The following RBBP4 variants were observed in gnomAD, a reference collection of about 807,000 sequenced individuals.
The protein encoded by RBBP4 is RB binding protein 4, chromatin remodeling factor, also known as histone-binding protein RBBP4.
RBBP4 carries 3 observed loss-of-function variants against 57.2 expected under a neutral mutation model. The ratio of observed to expected loss-of-function variants is 0.05; its 90% CI spans 0.02 to 0.14. RBBP4 has a LOEUF of 0.14. Ranked by LOEUF, RBBP4 falls within the 10% of genes least tolerant of loss-of-function variation. RBBP4 has a pLI of 1.00. For synonymous variants in RBBP4, 151 were observed against 171.5 expected (o/e 0.88, Z 0.93); for missense variants, 107 against 520.6 (o/e 0.21, Z 7.73).
chr1:32,661,693 C>T (rs1570845622), intron 3 of RBBP4, among the ~76,000 whole-genome samples: 1 of 152,018 alleles, frequency 6.6e-6, no homozygotes, highest in Non-Finnish European at 1.5e-5. Flanking sequence ...CTTTTCTCTG[C>T]AGCCTCACCA....
At chr1:32,675,043 T>A (rs1248008821) in intron 11 of RBBP4, among the ~76,000 whole-genome samples, 2 of 150,460 alleles carry the variant, frequency 1.3e-5, no homozygotes, top group East Asian at 4.0e-4. Context: ...GGCATTTTTA[T>A]TTTTGAGACG....
Position 32,679,967 on chromosome 1 carries a change from A to ATAT in RBBP4, c.*266_*268dup. Reference sequence around the variant, plus strand: ...GTCTAAAGTAGCTACAGAAAGGGGAATATTATGTGTGATTATTTTTCTTCT... The same window carrying ATAT: ...GTCTAAAGTAGCTACAGAAAGGGGAATATTATTATGTGTGATTATTTTTCTTCT... On this transcript the variant is annotated 3_prime_UTR_variant, in exon 12 of 12. Transcript: ENST00000373493. 1 of 1,236,436 alleles carries ATAT rather than the reference A, an allele frequency of 8.1e-7. No individual in the cohort carries two copies. The highest frequency in any genetic ancestry group is 1.0e-6 in the Non-Finnish European group (1 of 989,610). The allele number at this position is 1,236,436 out of a possible 1,614,324, so 76.6% of individuals were successfully genotyped here. A position where few individuals can be genotyped will look rare whatever the true frequency, so the allele number is the denominator to read the frequency against.
At chr1:32,660,686 T>C (rs960510357) in intron 3 of RBBP4, among the ~76,000 whole-genome samples, 1 of 152,046 alleles carries the variant, frequency 6.6e-6, no homozygotes, top group Non-Finnish European at 1.5e-5. Flanking sequence ...CATTCAATGA[T>C]TTCATAAAGT....
At chr1:32,661,200 C>T (rs759226052) in intron 3 of RBBP4, among the ~76,000 whole-genome samples, 3 of 152,144 alleles carry the variant, frequency 2.0e-5, no homozygotes, top group Non-Finnish European at 2.9e-5. Context: ...CTACAGTGAA[C>T]ATACAAGTGC....
Position 32,681,733 on chromosome 1 carries a change from G to T in RBBP4, c.*2028G>T. On this transcript the variant is annotated 3_prime_UTR_variant, in exon 12 of 12. Coordinates refer to ENST00000373493, the MANE Select transcript of RBBP4 (RefSeq NM_005610.3). ...ATTTGCAACTTCCACAGGATGAATT[G>T]CTTGCCAAGTTTCTGGCACTCTTGT... 6.4e-7 allele frequency: 1 copy of T among 1,554,570 alleles called. No individual in the cohort carries two copies. Among genetic ancestry groups the T allele is most frequent in the South Asian group, 1.1e-5 (1 of 88,618 alleles).
chr1:32,659,009 TTA>T (rs1280787025), intron 3 of RBBP4, among the ~76,000 whole-genome samples: 9 of 147,156 alleles, frequency 6.1e-5, no homozygotes, highest in Non-Finnish European at 1.3e-4. Context: ...TAAAATATAG[TTA>T]TATATAATTT....
chr1:32,656,971 A>G (rs1648171122), intron 2 of RBBP4, among the ~76,000 whole-genome samples: 1 of 152,148 alleles, frequency 6.6e-6, no homozygotes, highest in Non-Finnish European at 1.5e-5. Flanking sequence ...CTCCAGAGTA[A>G]TTAAGTAGAA....
Position 32,669,264 on chromosome 1 carries a change from A to C in RBBP4, c.795A>C (p.Pro265=), listed in dbSNP as rs11551266. ...WDTRSNNTSK[P]SHSVDAHTAE... Reference sequence around the variant, plus strand: ...CTCGTTCAAACAATACTTCCAAACCAAGCCACTCAGTTGATGCTCACACTG... The same window carrying C: ...CTCGTTCAAACAATACTTCCAAACCCAGCCACTCAGTTGATGCTCACACTG... The change falls in exon 7 of 12, where the codon CCA becomes CCC. Residue 265 remains proline, a synonymous_variant. Transcript: ENST00000373493. The surrounding 1 kb of genome is among the most constrained non-coding windows in gnomAD (Gnocchi z 4.9). 22,736 of 1,612,830 alleles carry C rather than the reference A, an allele frequency of 0.014. 2,610 individuals are homozygous for C. In the African/African-American group the frequency reaches 0.26, roughly 18 times the overall value.
chr1:32,658,924 AAAT>A (rs1196032557), intron 3 of RBBP4, among the ~76,000 whole-genome samples: 9 of 90,998 alleles, frequency 9.9e-5, no homozygotes, highest in African/African-American at 3.2e-4. Context: ...TACACAATAT[AAAT>A]GTTATATTTA....
At chr1:32,653,536 A>C (rs1647983133) in intron 2 of RBBP4, among the ~76,000 whole-genome samples, 2 of 148,184 alleles carry the variant, frequency 1.3e-5, no homozygotes, top group African/African-American at 5.0e-5. Flanking sequence ...CAGTGGCATA[A>C]GGAAAAATAG....
intron 11 of RBBP4, among the ~76,000 whole-genome samples, chr1:32,677,347 T>C (rs751261640): frequency 5.9e-5 from 9 of 152,038 alleles, no homozygotes; most frequent in Non-Finnish European, 1.0e-4. Context: ...TGCTTCTGGA[T>C]TGGTGAACAA....
At chr1:32,657,004 G>A (rs1283972916) in intron 2 of RBBP4, among the ~76,000 whole-genome samples, 5 of 152,042 alleles carry the variant, frequency 3.3e-5, no homozygotes, top group African/African-American at 1.2e-4. Context: ...GGCCAGGCAC[G>A]GTGGCTCTTG....
chr1:32,668,060 CGG>C (rs1321795046), intron 3 of RBBP4, among the ~76,000 whole-genome samples, 163 bp from the exon 4 acceptor site: 2 of 151,314 alleles, frequency 1.3e-5, no homozygotes, highest in African/African-American at 4.9e-5. Context: ...CCTGGAGTCA[CGG>C]GGGTAGGAAA....
Position 32,684,187 on chromosome 1 carries a change from AT to A in RBBP4, c.*4486del. 6.2e-7 allele frequency: 1 copy of A among 1,605,600 alleles called. No homozygotes were observed. The highest frequency in any genetic ancestry group is 1.1e-5 in the South Asian group (1 of 90,454). ...TTTTTGTTTTTGATTCTAAGGTAAA[AT>A]TTTCCCTAAGCCCTCCCACCATCCC... On this transcript the variant is annotated 3_prime_UTR_variant, in exon 12 of 12. Coordinates refer to ENST00000373493, the MANE Select transcript of RBBP4 (RefSeq NM_005610.3).
chr1:32,679,566 C>G (rs771350087), intron 11 of RBBP4, 74 bp from the exon 12 acceptor site: 1 of 1,348,072 alleles, frequency 7.4e-7, no homozygotes, highest in Admixed American at 2.4e-5. Context: ...GGCTTCCTGG[C>G]CTAATCTGTT....
At chr1:32,674,058 G>A (rs899416772) in intron 11 of RBBP4, among the ~76,000 whole-genome samples, 6 of 152,262 alleles carry the variant, frequency 3.9e-5, no homozygotes, top group East Asian at 1.9e-4. Flanking sequence ...CCAAGATTGC[G>A]TCACTGCACT....
chr1:32,664,325 T>C (rs1418081574), intron 3 of RBBP4, among the ~76,000 whole-genome samples: 2 of 152,210 alleles, frequency 1.3e-5, no homozygotes, highest in Non-Finnish European at 2.9e-5. Context: ...ACGTTTAATA[T>C]CTACTCAATA....
intron 2 of RBBP4, among the ~76,000 whole-genome samples, chr1:32,655,777 TTC>T (rs1197829065): frequency 6.6e-6 from 1 of 152,232 alleles, no homozygotes; most frequent in Non-Finnish European, 1.5e-5. Context: ...GTTTGACATT[TTC>T]TCTTTCTCCA....
Position 32,684,238 on chromosome 1 carries a change from G to A in RBBP4, c.*4533G>A, listed in dbSNP as rs1649654431. 2 of 1,614,130 alleles carry A rather than the reference G, an allele frequency of 1.2e-6. No individual in the cohort carries two copies. Among genetic ancestry groups the A allele is most frequent in the African/African-American group, 1.3e-5 (1 of 75,052 alleles). ...CCTCAGCCAGTATTAGATGAGATTT[G>A]TATAGCAGCAGAAACTGACTTATAA... On this transcript the variant is annotated 3_prime_UTR_variant, in exon 12 of 12. Coordinates refer to ENST00000373493, the MANE Select transcript of RBBP4 (RefSeq NM_005610.3).
Sources: gnomAD v4.1 joint callset for allele counts (sites outside exome capture counted in the v4.1 genomes callset) on GRCh38, gnomAD v4.1.1 for gene constraint, Gnocchi (gnomAD v3.1) non-coding constraint, MANE v1.5 for transcripts, NCBI Gene and HGNC (gene_info 2026-07-23, HGNC 2026-07-21) for gene names.